ANK1: variants seen among roughly 807,000 people sequenced by gnomAD.
The protein encoded by ANK1 is ankyrin 1.
ANK1 carries 51 observed loss-of-function variants against 210.4 expected under a neutral mutation model. The observed-to-expected ratio is 0.24, with a 90% confidence interval of 0.19 to 0.31. ANK1 has a LOEUF of 0.31. Among genes scored for constraint, ANK1 ranks in the 10% least tolerant of loss-of-function variants. The pLI, the probability that ANK1 is intolerant of heterozygous loss-of-function variation, is 1.00. For missense variants in ANK1, 2,051 were observed against 2,504.4 expected (o/e 0.82, Z 3.86); for synonymous variants, 967 against 1,025.9 (o/e 0.94, Z 1.10).
At chr8:41,893,047 T>C (rs1383329200) in intron 1 of ANK1, among the ~76,000 whole-genome samples, 1 of 152,164 alleles carries the variant, frequency 6.6e-6, no homozygotes, top group Non-Finnish European at 1.5e-5. Flanking sequence ...CCTCTCCCTA[T>C]CCACTCTTCC....
intron 1 of ANK1, among the ~76,000 whole-genome samples, chr8:41,863,386 A>G (rs1387345993): frequency 6.6e-6 from 1 of 152,152 alleles, no homozygotes; most frequent in Non-Finnish European, 1.5e-5. Flanking sequence ...AAAGTGTATT[A>G]TAAGGAAATT....
At chr8:41,769,419 T>A (rs1226067304) in intron 1 of ANK1, among the ~76,000 whole-genome samples, 2 of 152,190 alleles carry the variant, frequency 1.3e-5, no homozygotes, top group Non-Finnish European at 2.9e-5. Context: ...AATTAATAAA[T>A]GATGGTTACT....
chr8:41,792,657 G>C (rs1026965325), intron 1 of ANK1, among the ~76,000 whole-genome samples: 1 of 152,184 alleles, frequency 6.6e-6, no homozygotes, highest in Admixed American at 6.5e-5. Context: ...ATAAATAAGC[G>C]GGGAGGTGTG....
intron 3 of ANK1, among the ~76,000 whole-genome samples, chr8:41,728,617 C>T (rs1439631819): frequency 6.6e-6 from 1 of 152,096 alleles, no homozygotes; most frequent in East Asian, 1.9e-4. Context: ...TGGAGTGGCG[C>T]AGGAAGGGGG....
intron 6 of ANK1, among the ~76,000 whole-genome samples, chr8:41,724,806 A>C (rs1288082028): frequency 6.6e-6 from 1 of 152,140 alleles, no homozygotes; most frequent in Admixed American, 6.5e-5. Flanking sequence ...CGTCAGAGTG[A>C]TCACCGACAA....
chr8:41,803,055 G>GGAAGGA (rs3065764), intron 1 of ANK1, among the ~76,000 whole-genome samples: 3 of 73,678 alleles, frequency 4.1e-5, no homozygotes, highest in African/African-American at 1.8e-4. Flanking sequence ...AAGAAAGAAA[G>GGAAGGA]AGAGAAAGGA....
exon 1 of ANK1, chr8:41,896,521 A>G: frequency 6.4e-7 from 1 of 1,556,668 alleles, no homozygotes; most frequent in Non-Finnish European, 8.7e-7. Flanking sequence ...CTGGACCCCT[A>G]GCGCTCAGCG....
At chr8:41,728,104 G>A (rs1831193364) in intron 3 of ANK1, 98 bp from the exon 4 acceptor site, 3 of 1,233,874 alleles carry the variant, frequency 2.4e-6, no homozygotes, top group Non-Finnish European at 3.5e-6. Context: ...AGGGACCCGG[G>A]GGCTTTCTTC....
At chr8:41,659,636 C>T (rs1304631595) in intron 42 of ANK1, among the ~76,000 whole-genome samples, 1 of 152,142 alleles carries the variant, frequency 6.6e-6, no homozygotes, top group East Asian at 1.9e-4. Flanking sequence ...TGTCCCCTAA[C>T]CCTCTGGGAC....
intron 1 of ANK1, among the ~76,000 whole-genome samples, chr8:41,850,642 A>G (rs1359151135): frequency 6.6e-6 from 1 of 152,092 alleles, no homozygotes. Flanking sequence ...CACCACACCC[A>G]GATAATTTTT....
intron 1 of ANK1, among the ~76,000 whole-genome samples, chr8:41,887,144 C>G (rs900797525): frequency 6.6e-6 from 1 of 152,202 alleles, no homozygotes; most frequent in East Asian, 1.9e-4. Context: ...GCCCTGCTAC[C>G]CTCTTAGACA....
At chr8:41,679,211 G>C (rs1815151284) in intron 37 of ANK1, among the ~76,000 whole-genome samples, 1 of 152,160 alleles carries the variant, frequency 6.6e-6, no homozygotes, top group African/African-American at 2.4e-5. Flanking sequence ...TTGGATGCTG[G>C]ACATTGCGAA....
chr8:41,723,421 G>T, intron 8 of ANK1, 114 bp downstream of exon 8: 1 of 1,311,800 alleles, frequency 7.6e-7, no homozygotes, highest in African/African-American at 1.4e-5. Flanking sequence ...AGGCGGCTCC[G>T]GGAGGCTGGT....
chr8:41,896,713 C>A, exon 1 of ANK1: 1 of 288,042 alleles, frequency 3.5e-6, no homozygotes, highest in Non-Finnish European at 5.6e-6. Flanking sequence ...GCGGCCGGAG[C>A]TCGCTTGCCG....
At position 41,704,502 on chromosome 8, in the gene ANK1, A is replaced by T; in HGVS notation, c.2098-30T>A. 6.4e-7 allele frequency: 1 copy of T among 1,563,024 alleles called. No homozygotes were observed. The highest frequency in any genetic ancestry group is 8.8e-7 in the Non-Finnish European group (1 of 1,133,518). ...AAAGCAGATGAGAAGGAGTGACCGG[A>T]GCTGTCCTGAGCTGGGCATCACATG... On this transcript the variant is annotated intron_variant, in intron 18 of 42. Coordinates refer to ENST00000289734, the MANE Select transcript of ANK1 (RefSeq NM_000037.4). This position sits in a 1 kb window ranked among gnomAD's most constrained non-coding sequence, Gnocchi z 4.1.
intron 1 of ANK1, among the ~76,000 whole-genome samples, chr8:41,762,401 T>C (rs1407691843): frequency 6.6e-6 from 1 of 152,172 alleles, no homozygotes; most frequent in Non-Finnish European, 1.5e-5. Flanking sequence ...AATATCTCTT[T>C]CTCTAGCTAT....
At chr8:41,747,694 T>C (rs1836534009) in intron 2 of ANK1, among the ~76,000 whole-genome samples, 1 of 152,216 alleles carries the variant, frequency 6.6e-6, no homozygotes, top group Non-Finnish European at 1.5e-5. Flanking sequence ...AGTCTTCATA[T>C]TCTAAATTCC....
At chr8:41,657,792 T>C (rs1306081854) in intron 42 of ANK1, among the ~76,000 whole-genome samples, 2 of 152,236 alleles carry the variant, frequency 1.3e-5, no homozygotes, top group Middle Eastern at 3.2e-3. Context: ...CTAGGCCACC[T>C]CACTCTGCCC....
chr8:41,802,995 G>GAGAGAGAAAGAAAGAAAGAA (rs1554630756), intron 1 of ANK1, among the ~76,000 whole-genome samples: 6 of 57,492 alleles, frequency 1.0e-4, no homozygotes, highest in Non-Finnish European at 1.7e-4. Flanking sequence ...GAGAGAAAGA[G>GAGAGAGAAAGAAAGAAAGAA]AGAAAGAAAG....
Sources: allele counts gnomAD v4.1 joint callset (sites outside exome capture counted in the v4.1 genomes callset), GRCh38; gene constraint gnomAD v4.1.1; non-coding constraint Gnocchi (gnomAD v3.1); transcripts MANE v1.5; gene names NCBI Gene and HGNC (gene_info 2026-07-23, HGNC 2026-07-21).